NCKAP5: variants seen among roughly 807,000 people sequenced by gnomAD.
The protein encoded by NCKAP5 is NCK associated protein 5.
Under a neutral mutation model 167.0 loss-of-function variants are expected in NCKAP5, and 92 were observed. The observed-to-expected ratio is 0.55, with a 90% CI of 0.47 to 0.66. The LOEUF (loss-of-function observed/expected upper bound fraction) is 0.66. NCKAP5 is among the 30% of genes least tolerant of loss of function. NCKAP5 has a pLI of 0.00. For missense variants in NCKAP5, 2,378 were observed against 2,315.0 expected (o/e 1.03, Z -0.56); for synonymous variants, 891 against 877.4 (o/e 1.02, Z -0.27).
Position 132,783,106 on chromosome 2 carries a change from A to G in NCKAP5, c.3705T>C (p.Ser1235=). The G allele has an allele frequency of 6.2e-7, 1 of 1,613,644 alleles. No individual in the cohort carries two copies. Reference sequence around the variant, plus strand: ...CCCTTCCATCACTCCCAGGGATGCTACTTTCCAATGGCTCTTGTAGTGCTG... The same window carrying G: ...CCCTTCCATCACTCCCAGGGATGCTGCTTTCCAATGGCTCTTGTAGTGCTG... ...LETALQEPLE[S]SIPGSDGRDG... Residue 1235 remains serine, a synonymous_variant, in exon 14 of 20, where the codon AGT becomes AGC. Transcript: ENST00000409261.
chr2:132,909,136 C>A (rs974888677), intron 8 of NCKAP5, among the ~76,000 whole-genome samples: 3 of 152,178 alleles, frequency 2.0e-5, no homozygotes, highest in African/African-American at 7.2e-5. Flanking sequence ...CACTTGAGGT[C>A]AGGAGTTCAA....
chr2:133,297,683 C>T (rs953216829), intron 4 of NCKAP5, among the ~76,000 whole-genome samples: 109 of 152,246 alleles, frequency 7.2e-4, no homozygotes, highest in Non-Finnish European at 1.9e-4. Flanking sequence ...AAGAGTATGC[C>T]TTATTTCAAC....
chr2:133,012,869 A>G (rs146974900), intron 6 of NCKAP5, among the ~76,000 whole-genome samples: 109 of 152,022 alleles, frequency 7.2e-4, no homozygotes, highest in African/African-American at 2.5e-3. Context: ...CCCATTACCT[A>G]CTGGGCATAC....
chr2:132,919,114 GGC>G (rs1306038203), intron 8 of NCKAP5, among the ~76,000 whole-genome samples: 1 of 152,088 alleles, frequency 6.6e-6, no homozygotes, highest in African/African-American at 2.4e-5. Flanking sequence ...TAACTAACAT[GGC>G]AATTCACATA....
intron 3 of NCKAP5, among the ~76,000 whole-genome samples, chr2:133,365,871 T>C (rs568195083): frequency 6.6e-6 from 1 of 152,282 alleles, no homozygotes; most frequent in South Asian, 2.1e-4. Flanking sequence ...TACAATTCAG[T>C]CCTTGGAAAA....
At chr2:132,725,920 T>C (rs1361426859) in intron 18 of NCKAP5, among the ~76,000 whole-genome samples, 161 bp from the exon 19 acceptor site, 1 of 152,198 alleles carries the variant, frequency 6.6e-6, no homozygotes, top group Non-Finnish European at 1.5e-5. Context: ...AACTCTGGTT[T>C]GCCGGTTTTT....
At chr2:133,372,379 A>G (rs1685860912) in intron 3 of NCKAP5, among the ~76,000 whole-genome samples, 1 of 152,192 alleles carries the variant, frequency 6.6e-6, no homozygotes, top group South Asian at 2.1e-4. Context: ...ATCCCATGGG[A>G]AAAATAGAAC....
intron 6 of NCKAP5, among the ~76,000 whole-genome samples, chr2:133,070,063 A>G (rs113306743): frequency 0.015 from 2,209 of 152,278 alleles, 55 homozygotes; most frequent in African/African-American, 0.05. Flanking sequence ...AATCAAAACT[A>G]AAGCTGAACT....
intron 3 of NCKAP5, among the ~76,000 whole-genome samples, chr2:133,490,040 C>A (rs758340065): frequency 3.3e-5 from 5 of 152,108 alleles, no homozygotes; most frequent in Admixed American, 1.3e-4. Context: ...AGAACAGGGG[C>A]CACAGGATCT....
chr2:132,849,564 T>C (rs1189462624), intron 11 of NCKAP5, among the ~76,000 whole-genome samples: 6 of 152,174 alleles, frequency 3.9e-5, no homozygotes, highest in African/African-American at 1.4e-4. Context: ...CACCTCCCTG[T>C]TCCCCTGCCA....
At chr2:133,143,094 GT>G (rs11330950) in intron 5 of NCKAP5, among the ~76,000 whole-genome samples, 10,104 of 148,628 alleles carry the variant, frequency 0.068, 635 homozygotes, top group East Asian at 0.37. Flanking sequence ...TTAAAAACGT[GT>G]TTTTTTTTTA....
intron 11 of NCKAP5, among the ~76,000 whole-genome samples, chr2:132,810,003 T>C (rs13402972): frequency 0.016 from 2,421 of 152,346 alleles, 59 homozygotes; most frequent in African/African-American, 0.056. Context: ...TCTCAGCATT[T>C]GTTTGTCTGA....
intron 11 of NCKAP5, among the ~76,000 whole-genome samples, chr2:132,818,903 A>G (rs965630712): frequency 6.6e-6 from 1 of 152,216 alleles, no homozygotes; most frequent in African/African-American, 2.4e-5. Flanking sequence ...CTATTTAAAA[A>G]TCAAGTTGAA....
At chr2:132,862,626 T>C (rs1690000769) in intron 10 of NCKAP5, among the ~76,000 whole-genome samples, 2 of 152,062 alleles carry the variant, frequency 1.3e-5, no homozygotes, top group South Asian at 4.2e-4. Flanking sequence ...ATTAGGCAAG[T>C]GTGCACGCCT....
chr2:133,267,753 G>A (rs951650995), intron 4 of NCKAP5, among the ~76,000 whole-genome samples: 10 of 151,920 alleles, frequency 6.6e-5, no homozygotes, highest in Admixed American at 5.2e-4. Flanking sequence ...AGCAGAAATT[G>A]CTCCACCTGT....
At chr2:133,451,172 T>G (rs1400966436) in intron 3 of NCKAP5, among the ~76,000 whole-genome samples, 1 of 152,120 alleles carries the variant, frequency 6.6e-6, no homozygotes, top group Admixed American at 6.6e-5. Context: ...ACATGAAATA[T>G]TGCAATTTTT....
chr2:133,671,642 C>T, the NCKAP5 span, among the ~76,000 whole-genome samples: 1 of 151,924 alleles, frequency 6.6e-6, no homozygotes, highest in Admixed American at 6.6e-5. Context: ...AGAGGCAGCC[C>T]CTCAACCTTG....
the NCKAP5 span, among the ~76,000 whole-genome samples, chr2:133,600,724 C>T: frequency 2.0e-5 from 3 of 152,256 alleles, no homozygotes; most frequent in Admixed American, 6.5e-5. Context: ...CGACAGGCCC[C>T]TGACTGAGGC....
intron 3 of NCKAP5, among the ~76,000 whole-genome samples, chr2:133,334,728 CG>C (rs1228428176): frequency 6.6e-6 from 1 of 152,136 alleles, no homozygotes; most frequent in Non-Finnish European, 1.5e-5. Flanking sequence ...CCCGTTTTAA[CG>C]GTGGAATCGC....
Sources: gnomAD v4.1 joint callset for allele counts (sites outside exome capture counted in the v4.1 genomes callset) on GRCh38, gnomAD v4.1.1 for gene constraint, MANE v1.5 for transcripts, NCBI Gene and HGNC (gene_info 2026-07-23, HGNC 2026-07-21) for gene names.